The following SGSH variants were observed in gnomAD, a reference collection of about 807,000 sequenced individuals.
SGSH encodes heparan sulfate sulfatase.
SGSH carries 48 observed loss-of-function variants against 51.0 expected under a neutral mutation model. The ratio of observed to expected loss-of-function variants is 0.94; its 90% confidence interval spans 0.75 to 1.20. SGSH has a LOEUF of 1.20. Among genes scored for constraint, SGSH ranks in the 50% most tolerant of loss-of-function variants. SGSH has a pLI of 0.00. For missense variants in SGSH, 662 were observed against 717.8 expected (o/e 0.92, Z 0.89); for synonymous variants, 321 against 313.4 (o/e 1.02, Z -0.26).
chr17:80,214,810 A>C, intron 3 of SGSH, 45 bp from the exon 4 acceptor site: 3 of 1,600,046 alleles, frequency 1.9e-6, no homozygotes, highest in Non-Finnish European at 2.5e-6. Flanking sequence ...CAGCCTCCCA[A>C]CCCTTTCTGC....
chr17:80,205,353 A>G, downstream of SGSH: 1 of 1,155,098 alleles, frequency 8.7e-7, no homozygotes, highest in Non-Finnish European at 1.2e-6. Flanking sequence ...CAGATAGTTC[A>G]GGATGGAGGT....
At chr17:80,202,001 C>T, downstream of SGSH, 1 of 1,303,916 alleles carries the variant, frequency 7.7e-7, no homozygotes, top group Non-Finnish European at 1.1e-6. Flanking sequence ...CCAGGCTGTG[C>T]CCCAGGTCCC....
At position 80,211,376 on chromosome 17, in the gene SGSH, C is replaced by T. The variant is rs547755855; in HGVS notation, c.950-365G>A. The stretch of plus-strand genomic sequence containing the variant: ...TGTGGGCCCCAAGAGAGATGTGGGC[C>T]GCGAGCTCGGAGGGAAAGGGAACCT... On this transcript the variant is annotated intron_variant, in intron 7 of 7. Coordinates refer to ENST00000326317, the MANE Select transcript of SGSH (RefSeq NM_000199.5). 2.2e-3 allele frequency: 772 copies of T among 346,166 alleles called. 1 individual carries two copies. The highest frequency in any genetic ancestry group is 3.3e-3 in the Non-Finnish European group (623 of 186,660). The allele number at this position is 346,166 out of a possible 1,614,324, so 21.4% of individuals were successfully genotyped here. A position where few individuals can be genotyped will look rare whatever the true frequency, so the allele number is the denominator to read the frequency against.
At chr17:80,205,305 C>A, downstream of SGSH, 2 of 1,200,716 alleles carry the variant, frequency 1.7e-6, no homozygotes, top group Non-Finnish European at 2.3e-6. Flanking sequence ...CTCCTTCCCT[C>A]CCCCACCACG....
At chr17:80,202,310 G>A (rs1333149538), downstream of SGSH, 1 of 1,613,736 alleles carries the variant, frequency 6.2e-7, no homozygotes, top group Non-Finnish European at 8.5e-7. Flanking sequence ...ACGAGGTCCT[G>A]CACGTCACCG....
chr17:80,216,990 C>T, intron 2 of SGSH, 42 bp downstream of exon 2: 3 of 1,515,726 alleles, frequency 2.0e-6, no homozygotes, highest in East Asian at 2.5e-5. Flanking sequence ...CGCAGCCTGT[C>T]TACTCCCTGC....
chr17:80,202,316 C>T (rs1394683550), downstream of SGSH: 1 of 1,613,616 alleles, frequency 6.2e-7, no homozygotes, highest in Non-Finnish European at 8.5e-7. Flanking sequence ...TCCTGCACGT[C>T]ACCGACACCA....
chr17:80,215,513 T>C (rs2041857562), intron 2 of SGSH, among the ~76,000 whole-genome samples: 1 of 152,242 alleles, frequency 6.6e-6, no homozygotes, highest in East Asian at 1.9e-4. Flanking sequence ...GTAAAAGATG[T>C]GTACATTTTA....
At chr17:80,209,045 A>G (rs1379002772), downstream of SGSH, 1 of 152,560 alleles carries the variant, frequency 6.6e-6, no homozygotes, top group East Asian at 1.9e-4. Flanking sequence ...TGGCACCAGT[A>G]CCCCCGTACA....
intron 2 of SGSH, chr17:80,216,736 C>T: frequency 2.1e-6 from 1 of 481,726 alleles, no homozygotes; most frequent in Non-Finnish European, 3.8e-6. Flanking sequence ...CCGCCAATCT[C>T]CATAACTAGA....
downstream of SGSH, chr17:80,204,856 G>A (rs113788514): frequency 2.9e-3 from 1,674 of 570,416 alleles, 7 homozygotes; most frequent in Non-Finnish European, 4.0e-3. Flanking sequence ...CAAAGGAGCC[G>A]CTCAGCCAGG....
Position 80,212,183 on chromosome 17 carries a change from G to A in SGSH, c.837C>T (p.Pro279=). The change falls in exon 7 of 8, where the codon CCC becomes CCT. Residue 279 remains proline (P), a synonymous_variant. Transcript: ENST00000326317. The surrounding 1 kb of genome is among the most constrained non-coding windows in gnomAD (Gnocchi z 5.9). ...IFTSDNGIPF[P]SGRTNLYWPG... Reference sequence around the variant, plus strand: ...GCCAGTACAGGTTGGTCCTGCCGCTGGGGAAGGGGATCCCGTTGTCGGACG... The same window carrying A: ...GCCAGTACAGGTTGGTCCTGCCGCTAGGGAAGGGGATCCCGTTGTCGGACG... The A allele has an allele frequency of 6.2e-7, 1 of 1,613,492 alleles. No individual in the cohort carries two copies. Among genetic ancestry groups the A allele is most frequent in the African/African-American group, 1.3e-5 (1 of 75,028 alleles).
At chr17:80,201,870 G>A (rs773391357), downstream of SGSH, 8 of 1,611,704 alleles carry the variant, frequency 5.0e-6, no homozygotes, top group South Asian at 2.2e-5. The surrounding 1 kb of genome is among the most constrained non-coding windows in gnomAD (Gnocchi z 5.0). Flanking sequence ...CAACACGGAC[G>A]GTACACATAC....
chr17:80,210,134 G>A lies in SGSH; in HGVS notation c.*318C>T. On this transcript the variant is annotated 3_prime_UTR_variant, in exon 8 of 8. Coordinates refer to ENST00000326317, the MANE Select transcript of SGSH (RefSeq NM_000199.5). Reference sequence around the variant, plus strand: ...CAAGACTCCCTTGTCATGGGCTGGGGGCGCTGCCCTGTCCGCAGACCACGT... The same window carrying A: ...CAAGACTCCCTTGTCATGGGCTGGGAGCGCTGCCCTGTCCGCAGACCACGT... 1 of 1,248,756 alleles carries A rather than the reference G, an allele frequency of 8.0e-7. No individual in the cohort carries two copies. The highest frequency in any genetic ancestry group is 2.1e-5 in the South Asian group (1 of 46,544). 77.4% of individuals were successfully genotyped at this position (1,248,756 alleles called of 1,614,324 possible). A position where few individuals can be genotyped will look rare whatever the true frequency, so the allele number is the denominator to read the frequency against.
At chr17:80,202,409 C>T, downstream of SGSH, 1 of 1,611,738 alleles carries the variant, frequency 6.2e-7, no homozygotes, top group Non-Finnish European at 8.5e-7. Flanking sequence ...GCACCATCCC[C>T]AACTACTCCA....
At chr17:80,201,676 G>A in the SGSH span, 27 of 1,581,046 alleles carry the variant, frequency 1.7e-5, no homozygotes, top group African/African-American at 1.1e-4. The surrounding 1 kb of genome is among the most constrained non-coding windows in gnomAD (Gnocchi z 5.0). Context: ...TGCCCTCAGC[G>A]CCTTCTGTCT....
chr17:80,212,033 T>A lies in SGSH; in HGVS notation c.949+38A>T, dbSNP rs976572919. On this transcript the variant is annotated intron_variant, in intron 7 of 7. Coordinates refer to ENST00000326317, the MANE Select transcript of SGSH (RefSeq NM_000199.5). The surrounding 1 kb of genome is among the most constrained non-coding windows in gnomAD (Gnocchi z 5.9). ...GGTCATGGCCCCGTCCCAGATCCAC[T>A]CCCACACCTTTCCTGACGGAGACAG... is the stretch of plus-strand genomic sequence containing the variant. 1.0e-5 allele frequency: 16 copies of A among 1,576,024 alleles called. No homozygotes were observed. The highest frequency in any genetic ancestry group is 1.4e-5 in the Non-Finnish European group (16 of 1,146,634).
intron 7 of SGSH, chr17:80,211,716 G>A (rs1186303604): frequency 7.3e-5 from 27 of 371,282 alleles, no homozygotes; most frequent in African/African-American, 1.5e-4. Context: ...TCTTGAGCCC[G>A]CCAAGATCTA....
At chr17:80,207,317 A>G (rs1048598011), downstream of SGSH, among the ~76,000 whole-genome samples, 1 of 152,146 alleles carries the variant, frequency 6.6e-6, no homozygotes, top group South Asian at 2.1e-4. Context: ...TTGGGAGGCC[A>G]GGGTGGGCAG....
Sources: allele counts gnomAD v4.1 joint callset (sites outside exome capture counted in the v4.1 genomes callset), GRCh38; gene constraint gnomAD v4.1.1; non-coding constraint Gnocchi (gnomAD v3.1); transcripts MANE v1.5; gene names NCBI Gene and HGNC (gene_info 2026-07-23, HGNC 2026-07-21).